Variants in FBXO11 observed in about 807,000 individuals in gnomAD.
FBXO11 encodes F-box only protein 11.
In FBXO11, 13 loss-of-function variants were observed where a neutral mutation model predicts 117.0. The ratio of observed to expected loss-of-function variants is 0.11; its 90% CI spans 0.07 to 0.18. The LOEUF is 0.18. Among genes scored for constraint, FBXO11 ranks in the 10% least tolerant of loss-of-function variants. The pLI is 1.00. For missense variants in FBXO11, 767 were observed against 1,164.4 expected (o/e 0.66, Z 4.97); for synonymous variants, 490 against 380.5 (o/e 1.29, Z -3.35).
chr2:47,820,244 C>T, intron 14 of FBXO11, 118 bp downstream of exon 14: 1 of 556,804 alleles, frequency 1.8e-6, no homozygotes, highest in Non-Finnish European at 3.1e-6. Flanking sequence ...CTATTAAAGA[C>T]AGTCACAAAT....
In FBXO11 at chr2:47,807,974, G is replaced by GC. The variant is rs769718050; in HGVS notation, c.*143dup. The GC allele has an allele frequency of 1.5e-5, 11 of 728,052 alleles. No individual in the cohort carries two copies. The highest frequency in any genetic ancestry group is 2.5e-5 in the Non-Finnish European group (11 of 444,200). 45.1% of individuals were successfully genotyped at this position (728,052 alleles called of 1,614,324 possible). On this transcript the variant is annotated 3_prime_UTR_variant, in exon 23 of 23. Transcript: ENST00000403359. Reference sequence around the variant, plus strand: ...TGCCACTTTCTTTTTGGTAGCTTGAGCTTCATAGTGTCAACTGACCTTGTG... The same window carrying GC: ...TGCCACTTTCTTTTTGGTAGCTTGAGCCTTCATAGTGTCAACTGACCTTGTG...
At position 47,848,913 on chromosome 2, in the gene FBXO11, C is replaced by T. The variant is rs896118042; in HGVS notation, c.233-9144G>A. Among the ~76,000 whole-genome samples, 18 of 152,266 alleles carry T rather than the reference C, an allele frequency of 1.2e-4. 1 individual carries two copies. Among genetic ancestry groups the T allele is most frequent in the Admixed American group, 7.2e-4 (11 of 15,286 alleles). ...GATTGGCTGGGGTTTAAAGTCTACA[C>T]ATTTTAGGTTATAAAGTTAAGAGTA... On this transcript the variant is annotated intron_variant, in intron 1 of 22. Coordinates refer to ENST00000403359, the MANE Select transcript of FBXO11 (RefSeq NM_001190274.2).
At chr2:47,862,069 T>C (rs897699472) in intron 1 of FBXO11, among the ~76,000 whole-genome samples, 4 of 152,148 alleles carry the variant, frequency 2.6e-5, no homozygotes, top group Middle Eastern at 3.4e-3. Context: ...CACGCTACCA[T>C]GCCTGGCTAA....
intron 1 of FBXO11, among the ~76,000 whole-genome samples, chr2:47,858,408 G>C (rs901719139): frequency 2.0e-5 from 3 of 151,380 alleles, no homozygotes; most frequent in African/African-American, 4.8e-5. Context: ...CAGGCCAGGC[G>C]TGGTGACTCA....
intron 18 of FBXO11, chr2:47,812,901 A>C (rs1244427270): frequency 1.1e-5 from 3 of 281,196 alleles, no homozygotes; most frequent in Non-Finnish European, 2.1e-5. Context: ...TTACAGATCA[A>C]TTTCTCACAT....
intron 1 of FBXO11, among the ~76,000 whole-genome samples, chr2:47,852,754 A>G (rs1281694900): frequency 1.3e-5 from 2 of 152,224 alleles, no homozygotes; most frequent in African/African-American, 4.8e-5. Context: ...TACAGGCACT[A>G]CTGTTTCAAG....
At chr2:47,870,528 T>C (rs1675548036) in intron 1 of FBXO11, among the ~76,000 whole-genome samples, 1 of 152,174 alleles carries the variant, frequency 6.6e-6, no homozygotes, top group Non-Finnish European at 1.5e-5. Context: ...GAGAATGCTA[T>C]GTGACAAGAG....
intron 1 of FBXO11, among the ~76,000 whole-genome samples, chr2:47,843,887 C>T (rs1008824254): frequency 4.6e-5 from 7 of 152,014 alleles, no homozygotes; most frequent in South Asian, 4.2e-4. Flanking sequence ...ATTACAGGCA[C>T]GCGCCACTAC....
chr2:47,821,990 G>C (rs78491566), intron 13 of FBXO11, among the ~76,000 whole-genome samples: 11,213 of 152,138 alleles, frequency 0.074, 567 homozygotes, highest in Non-Finnish European at 0.11. Context: ...GAGGCTGAAG[G>C]AGGAAGATCG....
intron 6 of FBXO11, 35 bp downstream of exon 6, chr2:47,834,753 C>A (rs1364438809): frequency 2.5e-6 from 4 of 1,607,360 alleles, no homozygotes; most frequent in African/African-American, 2.7e-5. Flanking sequence ...TGAAAGATTA[C>A]CATTTTAAGT....
Position 47,808,052 on chromosome 2 carries a change from T to G in FBXO11, c.*66A>C. 1 of 1,404,092 alleles carries G rather than the reference T, an allele frequency of 7.1e-7. No homozygotes were observed. The highest frequency in any genetic ancestry group is 9.8e-7 in the Non-Finnish European group (1 of 1,020,470). 87.0% of individuals were successfully genotyped at this position (1,404,092 alleles called of 1,614,324 possible). ...GTAGCATGGGCAAATATTTTAAATCTTCTTCCAAAAAAGTGTTTTAAGTTA... is the reference window on the plus strand; with the variant it reads ...GTAGCATGGGCAAATATTTTAAATCGTCTTCCAAAAAAGTGTTTTAAGTTA... On this transcript the variant is annotated 3_prime_UTR_variant, in exon 23 of 23. Coordinates refer to ENST00000403359, the MANE Select transcript of FBXO11 (RefSeq NM_001190274.2).
At chr2:47,845,720 C>T (rs1229294036) in intron 1 of FBXO11, among the ~76,000 whole-genome samples, 1 of 152,076 alleles carries the variant, frequency 6.6e-6, no homozygotes, top group South Asian at 2.1e-4. Context: ...GAGGGCGAGG[C>T]AGGGTAACAA....
At chr2:47,899,295 A>G (rs1360265619) in intron 1 of FBXO11, among the ~76,000 whole-genome samples, 1 of 148,436 alleles carries the variant, frequency 6.7e-6, no homozygotes, top group East Asian at 1.9e-4. Flanking sequence ...AAAAAAAAAG[A>G]ATTGGTATAA....
intron 11 of FBXO11, among the ~76,000 whole-genome samples, chr2:47,831,237 T>C (rs977940277): frequency 2.6e-5 from 4 of 151,570 alleles, no homozygotes; most frequent in African/African-American, 9.7e-5. Context: ...ACCAACATGG[T>C]GAAACCCTGT....
intron 1 of FBXO11, among the ~76,000 whole-genome samples, chr2:47,902,441 T>C (rs1678367309): frequency 6.6e-6 from 1 of 152,170 alleles, no homozygotes; most frequent in Non-Finnish European, 1.5e-5. Context: ...TGAAAAATCC[T>C]CAAAGATTTT....
intron 1 of FBXO11, among the ~76,000 whole-genome samples, chr2:47,898,010 G>C (rs914550862): frequency 6.6e-6 from 1 of 152,058 alleles, no homozygotes; most frequent in Non-Finnish European, 1.5e-5. Flanking sequence ...GTCACCACAT[G>C]GAAGAAAACA....
chr2:47,905,693 T>G lies in FBXO11; in HGVS notation c.28A>C (p.Arg10=). 1 of 1,518,072 alleles carries G rather than the reference T, an allele frequency of 6.6e-7. No individual in the cohort carries two copies. Among genetic ancestry groups the G allele is most frequent in the Non-Finnish European group, 8.8e-7 (1 of 1,135,172 alleles). 94.0% of individuals were successfully genotyped at this position (1,518,072 alleles called of 1,614,324 possible). Residue 10 remains arginine, a synonymous_variant, in exon 1 of 23, where the codon AGA becomes CGA. Coordinates refer to ENST00000403359, the MANE Select transcript of FBXO11 (RefSeq NM_001190274.2). ...CGCGGCCGCGACACTCGCCTGGGTCTCCGGTTGGCGGCTCGGACGGAGTTC... is the reference window on the plus strand; with the variant it reads ...CGCGGCCGCGACACTCGCCTGGGTCGCCGGTTGGCGGCTCGGACGGAGTTC... MNSVRAANR[R]PRRVSRPRPV...
chr2:47,888,739 C>T (rs541529142), intron 1 of FBXO11: 88 of 766,308 alleles, frequency 1.1e-4, no homozygotes, highest in South Asian at 2.4e-4. Flanking sequence ...TGTGTTTATA[C>T]ACACCCAAGC....
intron 2 of FBXO11, 34 bp downstream of exon 2, chr2:47,839,608 T>A: frequency 6.2e-7 from 1 of 1,606,356 alleles, no homozygotes; most frequent in East Asian, 2.2e-5. Context: ...AATTCTTTCA[T>A]TACAAAAAGA....
Sources: gnomAD v4.1 joint callset for allele counts (sites outside exome capture counted in the v4.1 genomes callset) on GRCh38, gnomAD v4.1.1 for gene constraint, MANE v1.5 for transcripts, NCBI Gene and HGNC (gene_info 2026-07-23, HGNC 2026-07-21) for gene names.